The following UNC79 variants were observed in gnomAD, a reference collection of about 807,000 sequenced individuals.
The protein encoded by UNC79 is protein unc-79 homolog.
A neutral mutation model predicts 283.1 loss-of-function variants in UNC79; 37 were observed. That is an observed-to-expected ratio of 0.13 (90% CI 0.10 to 0.17). The LOEUF is 0.17. Ranked by LOEUF, UNC79 falls within the 10% of genes least tolerant of loss-of-function variation. UNC79 has a pLI of 1.00. For missense variants in UNC79, 2,272 were observed against 3,211.1 expected (o/e 0.71, Z 7.07); for synonymous variants, 1,107 against 1,200.2 (o/e 0.92, Z 1.61).
At chr14:93,354,867 G>A (rs901409129) in intron 1 of UNC79, among the ~76,000 whole-genome samples, 1 of 152,072 alleles carries the variant, frequency 6.6e-6, no homozygotes, top group Non-Finnish European at 1.5e-5. Flanking sequence ...GAAAGGGTTA[G>A]GATCTGGTTT....
At chr14:93,576,338 TAGG>T in intron 17 of UNC79, among the ~76,000 whole-genome samples, 1 of 152,168 alleles carries the variant, frequency 6.6e-6, no homozygotes, top group African/African-American at 2.4e-5. Flanking sequence ...GAAAAATACC[TAGG>T]TGATAGGTTC....
At chr14:93,541,666 C>G (rs746157556) in intron 13 of UNC79, among the ~76,000 whole-genome samples, 1 of 152,094 alleles carries the variant, frequency 6.6e-6, no homozygotes, top group Non-Finnish European at 1.5e-5. Context: ...CCATAGTACT[C>G]AATAGAAGAT....
chr14:93,501,015 G>T (rs1049185524), intron 7 of UNC79, among the ~76,000 whole-genome samples: 1 of 152,174 alleles, frequency 6.6e-6, no homozygotes, highest in Non-Finnish European at 1.5e-5. Context: ...GTGATTTACA[G>T]CATTTCCTCT....
intron 47 of UNC79, among the ~76,000 whole-genome samples, chr14:93,696,738 T>C (rs1349328158): frequency 2.0e-5 from 3 of 152,216 alleles, no homozygotes; most frequent in African/African-American, 7.2e-5. Context: ...TTTTTCTCTG[T>C]GGTTTGTCTT....
intron 1 of UNC79, among the ~76,000 whole-genome samples, chr14:93,346,757 A>C (rs1014663967): frequency 6.6e-6 from 1 of 152,142 alleles, no homozygotes; most frequent in African/African-American, 2.4e-5. Flanking sequence ...GGAAAGGAGT[A>C]GGGGTGCCAA....
At chr14:93,630,193 A>C (rs930056492) in intron 30 of UNC79, among the ~76,000 whole-genome samples, 1 of 152,246 alleles carries the variant, frequency 6.6e-6, no homozygotes, top group African/African-American at 2.4e-5. Context: ...CATGCTCCTA[A>C]ATCACTTAAG....
intron 1 of UNC79, among the ~76,000 whole-genome samples, chr14:93,462,138 C>A (rs976366867): frequency 2.0e-5 from 3 of 152,126 alleles, no homozygotes; most frequent in Non-Finnish European, 4.4e-5. Context: ...GAAACCCCGG[C>A]TCTACTAAAA....
chr14:93,703,451 A>G (rs1429504285), intron 47 of UNC79, among the ~76,000 whole-genome samples: 1 of 152,076 alleles, frequency 6.6e-6, no homozygotes, highest in Non-Finnish European at 1.5e-5. Flanking sequence ...TCATCTTCAC[A>G]TAGCATGCTT....
chr14:93,700,212 C>CT (rs1482329745), intron 47 of UNC79, among the ~76,000 whole-genome samples: 2 of 151,702 alleles, frequency 1.3e-5, no homozygotes, highest in Non-Finnish European at 2.9e-5. Flanking sequence ...GTCTTTGCCA[C>CT]TATGGTTAAG....
At chr14:93,679,968 A>G (rs927976633) in intron 41 of UNC79, among the ~76,000 whole-genome samples, 4 of 152,192 alleles carry the variant, frequency 2.6e-5, no homozygotes, top group African/African-American at 9.6e-5. Flanking sequence ...CAAAGACAGA[A>G]AGGTTTATTA....
intron 22 of UNC79, among the ~76,000 whole-genome samples, chr14:93,588,993 T>A (rs1294368920): frequency 6.6e-6 from 1 of 152,024 alleles, no homozygotes; most frequent in Non-Finnish European, 1.5e-5. Context: ...GAATATTAGG[T>A]GTTGATGTCT....
chr14:93,352,340 A>G (rs979030872), intron 1 of UNC79, among the ~76,000 whole-genome samples: 2 of 152,168 alleles, frequency 1.3e-5, no homozygotes, highest in Admixed American at 6.5e-5. Flanking sequence ...GCCTACCTTC[A>G]TGTGCTCCAA....
chr14:93,458,939 A>G (rs182565707), intron 1 of UNC79, among the ~76,000 whole-genome samples: 1 of 152,360 alleles, frequency 6.6e-6, no homozygotes, highest in East Asian at 1.9e-4. Flanking sequence ...TTATATAATG[A>G]AGTGCAAAAA....
chr14:93,345,445 T>A (rs1371426102), intron 1 of UNC79, among the ~76,000 whole-genome samples: 1 of 149,736 alleles, frequency 6.7e-6, no homozygotes, highest in Non-Finnish European at 1.5e-5. Flanking sequence ...AGAAACACAG[T>A]TCATGGAATA....
intron 14 of UNC79, among the ~76,000 whole-genome samples, chr14:93,569,827 A>T (rs1239859000): frequency 6.6e-6 from 1 of 152,094 alleles, no homozygotes; most frequent in Non-Finnish European, 1.5e-5. Flanking sequence ...CATCTTTTGG[A>T]GGGGAGGTTT....
At chr14:93,582,433 G>T (rs1045818733) in intron 20 of UNC79, 89 bp downstream of exon 20, 1 of 1,539,164 alleles carries the variant, frequency 6.5e-7, no homozygotes, top group Non-Finnish European at 8.7e-7. Flanking sequence ...ATCGACTTGG[G>T]CAAATTCAGA....
At chr14:93,507,374 C>T (rs1595688612) in intron 7 of UNC79, among the ~76,000 whole-genome samples, 1 of 152,286 alleles carries the variant, frequency 6.6e-6, no homozygotes, top group East Asian at 1.9e-4. Context: ...CAGTTGCTCT[C>T]CACTCTGCTA....
intron 47 of UNC79, among the ~76,000 whole-genome samples, chr14:93,699,095 C>T (rs1482401271): frequency 1.3e-5 from 2 of 152,104 alleles, no homozygotes; most frequent in Non-Finnish European, 2.9e-5. Context: ...TTCTTATAAG[C>T]AGCATAAAGT....
intron 47 of UNC79, among the ~76,000 whole-genome samples, chr14:93,695,523 G>A (rs946463748): frequency 2.6e-5 from 4 of 152,148 alleles, no homozygotes; most frequent in South Asian, 4.1e-4. Flanking sequence ...TATTTAAAAC[G>A]TGCAGTTTGG....
Sources: gnomAD v4.1 joint callset for allele counts (sites outside exome capture counted in the v4.1 genomes callset) on GRCh38, gnomAD v4.1.1 for gene constraint, MANE v1.5 for transcripts, NCBI Gene and HGNC (gene_info 2026-07-23, HGNC 2026-07-21) for gene names.